DRC7: variants seen among roughly 807,000 people sequenced by gnomAD.
DRC7 encodes the protein coiled-coil domain containing 135.
DRC7 carries 80 observed loss-of-function variants against 104.4 expected under a neutral mutation model. That is an observed-to-expected ratio of 0.77 (90% CI 0.64 to 0.92). DRC7 has a LOEUF of 0.92. Ranked by LOEUF, DRC7 falls within the 40% of genes least tolerant of loss-of-function variation. DRC7 has a pLI of 0.00. For synonymous variants in DRC7, 405 were observed against 447.3 expected (o/e 0.91, Z 1.19); for missense variants, 1,034 against 1,141.1 (o/e 0.91, Z 1.35).
At chr16:57,702,305 GT>G in intron 6 of DRC7, among the ~76,000 whole-genome samples, 175 bp downstream of exon 6, 1 of 152,272 alleles carries the variant, frequency 6.6e-6, no homozygotes, top group East Asian at 1.9e-4. Context: ...CAAACCACCA[GT>G]GATTTATGTC....
intron 5 of DRC7, among the ~76,000 whole-genome samples, chr16:57,700,656 C>CAAAAAAAAAAA (rs59120133): frequency 1.1e-5 from 1 of 88,618 alleles, no homozygotes; most frequent in Non-Finnish European, 2.2e-5. Context: ...AAAACTCTCT[C>CAAAAAAAAAAA]AAAAAAAAAA....
rs774052415 is a variant in DRC7, at chr16:57,707,675, C to G, written c.1074C>G (p.Cys358Trp). The G allele has an allele frequency of 3.7e-6, 6 of 1,612,984 alleles. No individual in the cohort carries two copies. Among genetic ancestry groups the G allele is most frequent in the Non-Finnish European group, 5.1e-6 (6 of 1,179,840 alleles). Residue 358 changes from cysteine (C) to tryptophan (W), a missense_variant, in exon 8 of 19, where the codon TGC becomes TGG. Cys to Trp is a radical substitution (Grantham distance 215). Transcript: ENST00000360716. ...WINMQDCWNC[C>W]KDLIFDLGDP... Reference sequence around the variant, plus strand: ...ACATGCAGGATTGCTGGAACTGCTGCAAGGTGCCTAGGGAGGGGGAGCTGG... The same window carrying G: ...ACATGCAGGATTGCTGGAACTGCTGGAAGGTGCCTAGGGAGGGGGAGCTGG...
intron 2 of DRC7, among the ~76,000 whole-genome samples, chr16:57,697,171 C>T (rs2048602128): frequency 6.6e-6 from 1 of 152,090 alleles, no homozygotes; most frequent in African/African-American, 2.4e-5. Context: ...CCTCGGCCTC[C>T]CAAAGTGCTG....
rs540570606 is a variant in DRC7, at chr16:57,723,487, C to T, written c.1537+357C>T. On this transcript the variant is annotated intron_variant, in intron 12 of 18. Coordinates refer to ENST00000360716, the MANE Select transcript of DRC7 (RefSeq NM_001289162.2). ...GGGGCTCACACCTGTAATCCAAGCG[C>T]TTTGGGAGGCCAACATGGGCAGTTG... Among the ~76,000 whole-genome samples, 25 of 152,280 alleles carry T rather than the reference C, an allele frequency of 1.6e-4. No homozygotes were observed. In the South Asian group the frequency reaches 5.2e-3, roughly 32 times the overall value.
At chr16:57,730,713 T>C (rs2049051679) in intron 17 of DRC7, among the ~76,000 whole-genome samples, 1 of 152,016 alleles carries the variant, frequency 6.6e-6, no homozygotes. Context: ...TCTGATCTCA[T>C]GGACATGACA....
At position 57,726,818 on chromosome 16, in the gene DRC7, G is replaced by T; in HGVS notation, c.1975-14G>T. ...GGCAGCCTCTCTGTGTTACTAAGGT[G>T]GTTGTTGTCCCAGGTGGAGCCCATG... On this transcript the variant is annotated splice_polypyrimidine_tract_variant and intron_variant, in intron 14 of 18. Transcript: ENST00000360716. 1 of 1,567,090 alleles carries T rather than the reference G, an allele frequency of 6.4e-7. No individual in the cohort carries two copies. The highest frequency in any genetic ancestry group is 1.7e-5 in the Admixed American group (1 of 59,170).
At chr16:57,728,333 G>A in intron 16 of DRC7, 57 bp from the exon 17 acceptor site, 1 of 1,468,956 alleles carries the variant, frequency 6.8e-7, no homozygotes, top group Non-Finnish European at 9.2e-7. Flanking sequence ...ATGCAGAGCT[G>A]GTGGAGAGGT....
At chr16:57,698,766 G>T in intron 3 of DRC7, 84 bp from the exon 4 acceptor site, 2 of 1,336,884 alleles carry the variant, frequency 1.5e-6, no homozygotes, top group Non-Finnish European at 2.1e-6. Context: ...ATGAGGAAGG[G>T]GTAGAGCCAA....
At chr16:57,729,891 T>G (rs1597816614) in intron 17 of DRC7, among the ~76,000 whole-genome samples, 2 of 103,122 alleles carry the variant, frequency 1.9e-5, no homozygotes, top group Admixed American at 1.1e-4. Flanking sequence ...AATGGATGGG[T>G]GGATGAGTGA....
intron 1 of DRC7, among the ~76,000 whole-genome samples, chr16:57,695,776 G>A (rs980887600): frequency 2.0e-5 from 3 of 152,214 alleles, no homozygotes; most frequent in Non-Finnish European, 4.4e-5. Flanking sequence ...ACTATAAAGA[G>A]AAACTAAGGC....
Position 57,702,093 on chromosome 16 carries a change from C to T in DRC7, c.662C>T (p.Thr221Met), listed in dbSNP as rs756477752. ...GSLDLCHMDL[T>M]REVCPLTVKP... ...CTGGACCTGTGCCACATGGACCTGA[C>T]GCGGGAGGTGTGCCCACTCACTGTG... Residue 221 changes from threonine to methionine, a missense_variant, in exon 6 of 19, where the codon ACG becomes ATG. Transcript: ENST00000360716. 33 of 1,614,004 alleles carry T rather than the reference C, an allele frequency of 2.0e-5. No homozygotes were observed. Among genetic ancestry groups the T allele is most frequent in the East Asian group, 1.3e-4 (6 of 44,898 alleles).
intron 16 of DRC7, among the ~76,000 whole-genome samples, chr16:57,728,183 C>T (rs1405382072): frequency 1.3e-5 from 2 of 152,138 alleles, no homozygotes; most frequent in East Asian, 3.9e-4. Flanking sequence ...GATACAAATT[C>T]ATGTAAGAAA....
At chr16:57,695,175 G>A (rs2148724453) in intron 1 of DRC7, among the ~76,000 whole-genome samples, 1 of 149,664 alleles carries the variant, frequency 6.7e-6, no homozygotes, top group East Asian at 1.9e-4. Flanking sequence ...GCCTCTGATG[G>A]TGTTCTGGGA....
At chr16:57,710,681 TGA>T (rs2048783510) in intron 8 of DRC7, among the ~76,000 whole-genome samples, 1 of 152,232 alleles carries the variant, frequency 6.6e-6, no homozygotes, top group East Asian at 1.9e-4. Flanking sequence ...CCTAGTTTGC[TGA>T]GAGTTTTTTC....
intron 7 of DRC7, among the ~76,000 whole-genome samples, chr16:57,706,830 A>G (rs2048738107): frequency 1.4e-5 from 2 of 145,842 alleles, no homozygotes; most frequent in Admixed American, 1.4e-4. Flanking sequence ...CCATCCATCC[A>G]TCCTCCCATC....
At chr16:57,707,104 G>C (rs113103779) in intron 7 of DRC7, among the ~76,000 whole-genome samples, 1 of 152,278 alleles carries the variant, frequency 6.6e-6, no homozygotes, top group African/African-American at 2.4e-5. Flanking sequence ...GACAGTCACA[G>C]TTCTCTCAGA....
chr16:57,696,539 G>C lies in DRC7; in HGVS notation c.-93G>C, dbSNP rs1193127875. ...CTGAGCAATTCAAACCAGGCACACT[G>C]CTGCCCCCCACACAACTGGGGTTCT... On this transcript the variant is annotated 5_prime_UTR_variant, in exon 2 of 19. Transcript: ENST00000360716. 6.6e-6 allele frequency: 1 copy of C among 152,326 alleles called. No homozygotes were observed. The highest frequency in any genetic ancestry group is 6.5e-5 in the Admixed American group (1 of 15,286). The allele number at this position is 152,326 out of a possible 1,614,324, so 9.4% of individuals were successfully genotyped here. A position where few individuals can be genotyped will look rare whatever the true frequency, so the allele number is the denominator to read the frequency against.
At chr16:57,706,954 C>T (rs2048739191) in intron 7 of DRC7, among the ~76,000 whole-genome samples, 2 of 152,006 alleles carry the variant, frequency 1.3e-5, no homozygotes, top group Admixed American at 6.6e-5. Context: ...CTACCCATCT[C>T]CCATCTCTTC....
intron 9 of DRC7, among the ~76,000 whole-genome samples, chr16:57,719,496 G>A (rs1014789041): frequency 6.6e-6 from 1 of 151,956 alleles, no homozygotes; most frequent in Non-Finnish European, 1.5e-5. Flanking sequence ...GTTCTTATAA[G>A]GACACCAGTC....
Sources: allele counts gnomAD v4.1 joint callset (sites outside exome capture counted in the v4.1 genomes callset), GRCh38; gene constraint gnomAD v4.1.1; transcripts MANE v1.5; gene names NCBI Gene and HGNC (gene_info 2026-07-23, HGNC 2026-07-21).